Variants in RHD observed in about 807,000 individuals in gnomAD.
The protein encoded by RHD is blood group Rh(D) polypeptide.
In RHD, 16 loss-of-function variants were observed where a neutral mutation model predicts 45.5. That is an observed-to-expected ratio of 0.35 (90% CI 0.24 to 0.53). RHD has a LOEUF of 0.53. Ranked by LOEUF, RHD falls within the 20% of genes least tolerant of loss-of-function variation. The pLI, the probability that RHD is intolerant of heterozygous loss-of-function variation, is 0.92. For synonymous variants in RHD, 131 were observed against 217.5 expected (o/e 0.60, Z 3.50); for missense variants, 306 against 532.0 (o/e 0.58, Z 4.18).
rs1285410315 is a variant in RHD at position 25,315,497 on chromosome 1, C to CT, written c.1074-1500dup. On this transcript the variant is annotated intron_variant, in intron 7 of 9. Transcript: ENST00000328664. ...TTTTTAATTTATTTTTCTTTTCTTT[C>CT]TTTCTTTTTTTTTTTTTGAGATGGA... Among the ~76,000 whole-genome samples, 74 of 120,916 alleles carry CT rather than the reference C, an allele frequency of 6.1e-4. 8 individuals carry two copies. Among genetic ancestry groups the CT allele is most frequent in the African/African-American group, 2.1e-3 (68 of 33,144 alleles). 79.3% of individuals were successfully genotyped at this position (120,916 alleles called of 152,430 possible). A position where few individuals can be genotyped will look rare whatever the true frequency, so the allele number is the denominator to read the frequency against.
Position 25,301,010 on chromosome 1 carries a change from C to A in RHD, c.551C>A (p.Ala184Asp). The change falls in exon 4 of 10, where the codon GCC (alanine) becomes GAC (aspartate). Residue 184 changes from alanine to aspartate, a missense_variant. Transcript: ENST00000328664. ...VFAAYFGLSV[A>D]WCLPKPLPEG... ...GCAGCCTATTTTGGGCTGTCTGTGG[C>A]CTGGTGCCTGCCAAAGCCTCTACCC... is the stretch of plus-strand genomic sequence containing the variant. 7.3e-7 allele frequency: 1 copy of A among 1,376,260 alleles called. No homozygotes were observed. The highest frequency in any genetic ancestry group is 1.2e-5 in the South Asian group (1 of 84,874). 85.3% of individuals were successfully genotyped at this position (1,376,260 alleles called of 1,614,324 possible).
At chr1:25,277,470 T>G (rs676052) in intron 1 of RHD, among the ~76,000 whole-genome samples, 16,072 of 126,616 alleles carry the variant, frequency 0.13, 3,619 homozygotes, top group African/African-American at 0.42. Context: ...CAAGCCCTCT[T>G]GGTGATTCTT....
chr1:25,285,795 C>T (rs1271597545), intron 2 of RHD, among the ~76,000 whole-genome samples: 1 of 135,062 alleles, frequency 7.4e-6, no homozygotes, highest in Non-Finnish European at 1.8e-5. Context: ...TTTGTTCAAA[C>T]CTCTGAATCC....
intron 3 of RHD, among the ~76,000 whole-genome samples, chr1:25,291,106 C>T (rs1417562064): frequency 7.7e-6 from 1 of 130,026 alleles, no homozygotes; most frequent in Admixed American, 7.5e-5. Context: ...AGCTGGGCAA[C>T]ATAGCAAGAC....
intron 1 of RHD, among the ~76,000 whole-genome samples, chr1:25,283,127 T>A (rs533218717): frequency 7.5e-6 from 1 of 132,530 alleles, no homozygotes; most frequent in South Asian, 2.3e-4. Context: ...TCTGGCAACC[T>A]AATGAAGGAG....
chr1:25,277,894 G>A lies in RHD; in HGVS notation c.148+5199G>A, dbSNP rs1161028549. The stretch of plus-strand genomic sequence containing the variant: ...TCTCCATGTTGGTGAGGCTGGTCTC[G>A]AACTCCCAACCTCAGGTGATGCACC... On this transcript the variant is annotated intron_variant, in intron 1 of 9. Coordinates refer to ENST00000328664, the MANE Select transcript of RHD (RefSeq NM_016124.6). Among the ~76,000 whole-genome samples, 3 of 132,402 alleles carry A rather than the reference G, an allele frequency of 2.3e-5. No individual in the cohort carries two copies. The East Asian group carries it at 5.8e-4, about 26-fold the overall frequency. The allele number at this position is 132,402 out of a possible 152,430, so 86.9% of individuals were successfully genotyped here. A position where few individuals can be genotyped will look rare whatever the true frequency, so the allele number is the denominator to read the frequency against.
At chr1:25,322,076 A>T in intron 9 of RHD, 114 bp downstream of exon 9, 1 of 577,444 alleles carries the variant, frequency 1.7e-6, no homozygotes, top group South Asian at 1.6e-5. Flanking sequence ...AAAATGGAGT[A>T]AGGAGCATTG....
In RHD at chr1:25,303,284, T is replaced by C. The variant is rs1643532328; in HGVS notation, c.802-38T>C. On this transcript the variant is annotated intron_variant, in intron 5 of 9. Coordinates refer to ENST00000328664, the MANE Select transcript of RHD (RefSeq NM_016124.6). ...TTGCAGCAAGATGGTGTTCTCTCTCTACCTTGCTTCCTTTACCCACACGCT... is the reference window on the plus strand; with the variant it reads ...TTGCAGCAAGATGGTGTTCTCTCTCCACCTTGCTTCCTTTACCCACACGCT... 3 of 1,269,314 alleles carry C rather than the reference T, an allele frequency of 2.4e-6. 1 individual carries two copies. The African/African-American group carries it at 4.4e-5, about 18-fold the overall frequency. The allele number at this position is 1,269,314 out of a possible 1,614,324, so 78.6% of individuals were successfully genotyped here.
At position 25,282,498 on chromosome 1, in the gene RHD, G is replaced by T. The variant is rs1157671281; in HGVS notation, c.149-2075G>T. Reference sequence around the variant, plus strand: ...TCTGCCCACCTCATCCTCCTAAATTGGTATCTTTATATGTCCAAAAGAGTC... The same window carrying T: ...TCTGCCCACCTCATCCTCCTAAATTTGTATCTTTATATGTCCAAAAGAGTC... On this transcript the variant is annotated intron_variant, in intron 1 of 9. Coordinates refer to ENST00000328664, the MANE Select transcript of RHD (RefSeq NM_016124.6). 1.5e-5 allele frequency among the ~76,000 whole-genome samples: 2 copies of T among 132,050 alleles called. 1 individual carries two copies. Among genetic ancestry groups the T allele is most frequent in the Non-Finnish European group, 3.6e-5 (2 of 55,868 alleles). 86.6% of individuals were successfully genotyped at this position (132,050 alleles called of 152,430 possible).
At chr1:25,302,555 C>A (rs555534279) in intron 5 of RHD, among the ~76,000 whole-genome samples, 1 of 129,666 alleles carries the variant, frequency 7.7e-6, no homozygotes, top group African/African-American at 2.7e-5. Context: ...AGAGGCTAAT[C>A]CTAGGTGAGA....
intron 8 of RHD, among the ~76,000 whole-genome samples, chr1:25,321,545 C>T (rs1207834689): frequency 5.7e-5 from 7 of 122,396 alleles, no homozygotes; most frequent in African/African-American, 1.9e-4. Flanking sequence ...TGGCAGGCGC[C>T]TATAATCTCA....
intron 1 of RHD, among the ~76,000 whole-genome samples, chr1:25,283,015 C>G: frequency 7.5e-6 from 1 of 133,264 alleles, no homozygotes; most frequent in Non-Finnish European, 1.8e-5. Context: ...CAAGATCTCT[C>G]TCTCTCCAGT....
At chr1:25,290,028 G>A (rs1642353279) in intron 2 of RHD, among the ~76,000 whole-genome samples, 1 of 125,256 alleles carries the variant, frequency 8.0e-6, no homozygotes, top group Non-Finnish European at 1.9e-5. Context: ...CACCAACATG[G>A]GATACGTTTG....
At position 25,272,511 on chromosome 1, in the gene RHD, G is replaced by A. The variant is rs1202274980; in HGVS notation, c.-37G>A. 2.6e-6 allele frequency: 4 copies of A among 1,557,098 alleles called. 1 individual carries two copies. The South Asian group carries it at 3.4e-5, about 13-fold the overall frequency. On this transcript the variant is annotated 5_prime_UTR_variant, in exon 1 of 10. Transcript: ENST00000328664. ...GGTGTTGGAGAGAGGGGTGATGCCT[G>A]GTGCTGGTGGAACCCCTGCACAGAG... is the stretch of plus-strand genomic sequence containing the variant.
chr1:25,314,475 C>T (rs1464161540), intron 7 of RHD, among the ~76,000 whole-genome samples: 1 of 132,132 alleles, frequency 7.6e-6, no homozygotes, highest in Non-Finnish European at 1.8e-5. Context: ...ATGAATCCCA[C>T]TTTGTGCGTT....
At position 25,282,924 on chromosome 1, in the gene RHD, A is replaced by ACC. The variant is rs1323894424; in HGVS notation, c.149-1649_149-1648insCC. Among the ~76,000 whole-genome samples the ACC allele has an allele frequency of 1.4e-4, 19 of 131,998 alleles. 1 individual carries two copies. The highest frequency in any genetic ancestry group is 4.9e-4 in the African/African-American group (19 of 38,838). The allele number at this position is 131,998 out of a possible 152,430, so 86.6% of individuals were successfully genotyped here. On this transcript the variant is annotated intron_variant, in intron 1 of 9. Coordinates refer to ENST00000328664, the MANE Select transcript of RHD (RefSeq NM_016124.6). ...AAAAAATTGTCTACATGCTGGTTGCAGAAAATTTAAACACTAAAACTAAAA... is the reference window on the plus strand; with the variant it reads ...AAAAAATTGTCTACATGCTGGTTGCACCGAAAATTTAAACACTAAAACTAAAA...
rs187861423 is a variant in RHD, at chr1:25,287,312, C to T, written c.335+2553C>T. ...TGCCCCACAGTCTAGGGCTGCTCCC[C>T]TCATCTGATGTCCACAGGGACCTGT... On this transcript the variant is annotated intron_variant, in intron 2 of 9. Coordinates refer to ENST00000328664, the MANE Select transcript of RHD (RefSeq NM_016124.6). Among the ~76,000 whole-genome samples, 54 of 134,304 alleles carry T rather than the reference C, an allele frequency of 4.0e-4. 9 individuals are homozygous for T. Among genetic ancestry groups the T allele is most frequent in the African/African-American group, 9.9e-4 (39 of 39,228 alleles). The allele number at this position is 134,304 out of a possible 152,430, so 88.1% of individuals were successfully genotyped here. A position where few individuals can be genotyped will look rare whatever the true frequency, so the allele number is the denominator to read the frequency against.
chr1:25,301,676 A>T lies in RHD; in HGVS notation c.791A>T (p.Lys264Met). The T allele has an allele frequency of 7.2e-7, 1 of 1,379,620 alleles. No individual in the cohort carries two copies. The highest frequency in any genetic ancestry group is 1.8e-4 in the Middle Eastern group (1 of 5,496). 85.5% of individuals were successfully genotyped at this position (1,379,620 alleles called of 1,614,324 possible). A position where few individuals can be genotyped will look rare whatever the true frequency, so the allele number is the denominator to read the frequency against. Reference sequence around the variant, plus strand: ...TCATCCTTGGCTCACCCCCAAGGGAAGATCAGCAAGGTGAGCAGGGCGCTG... The same window carrying T: ...TCATCCTTGGCTCACCCCCAAGGGATGATCAGCAAGGTGAGCAGGGCGCTG... ...SGSSLAHPQG[K>M]ISKTYVHSAV... The change falls in exon 5 of 10, where the codon AAG becomes ATG. Residue 264 changes from lysine (K) to methionine (M), a missense_variant. Lys to Met is a moderately conservative substitution (Grantham distance 95). Transcript: ENST00000328664.
rs1394153489 is a variant in RHD, at chr1:25,300,912, C to T, written c.487-34C>T. 5.1e-6 allele frequency: 7 copies of T among 1,370,058 alleles called. 1 individual carries two copies. Among genetic ancestry groups the T allele is most frequent in the East Asian group, 2.2e-5 (1 of 44,556 alleles). The allele number at this position is 1,370,058 out of a possible 1,614,324, so 84.9% of individuals were successfully genotyped here. A position where few individuals can be genotyped will look rare whatever the true frequency, so the allele number is the denominator to read the frequency against. On this transcript the variant is annotated intron_variant, in intron 3 of 9. Transcript: ENST00000328664. The stretch of plus-strand genomic sequence containing the variant: ...AGGGCTTGCCCCGGGCAGAGGATGC[C>T]GACACTCACTGCTCTTACTGGGTTT...
Sources: allele counts gnomAD v4.1 joint callset (sites outside exome capture counted in the v4.1 genomes callset), GRCh38; gene constraint gnomAD v4.1.1; transcripts MANE v1.5; gene names NCBI Gene and HGNC (gene_info 2026-07-23, HGNC 2026-07-21).